The following RANBP17 variants were observed in gnomAD, a reference collection of about 807,000 sequenced individuals.
RANBP17 encodes RAN binding protein 17, also known as ran-binding protein 17.
A neutral mutation model predicts 141.2 loss-of-function variants in RANBP17; 158 were observed. The observed-to-expected ratio is 1.12, with a 90% CI of 0.98 to 1.28. RANBP17 has a LOEUF of 1.28. RANBP17 is among the 50% of genes most tolerant of loss of function. The pLI is 0.00. For synonymous variants in RANBP17, 430 were observed against 450.0 expected, an observed-to-expected ratio of 0.96 and a Z score of 0.56; for missense variants, 1,438 against 1,290.7, an observed-to-expected ratio of 1.11 and a Z score of -1.75.
intron 1 of RANBP17, among the ~76,000 whole-genome samples, chr5:170,872,304 G>A (rs1767811829): frequency 6.6e-6 from 1 of 151,944 alleles, no homozygotes; most frequent in African/African-American, 2.4e-5. Flanking sequence ...TCATGATTTG[G>A]CTGTCTGCTT....
chr5:171,094,399 G>A (rs374901883), intron 14 of RANBP17, among the ~76,000 whole-genome samples: 10 of 151,916 alleles, frequency 6.6e-5, no homozygotes, highest in African/African-American at 2.4e-4. Flanking sequence ...GATTATGTCA[G>A]TAAAATGCCC....
rs201284839 is a variant in RANBP17, at chr5:171,221,766, G to A, written c.2348G>A (p.Arg783His). The A allele has an allele frequency of 4.2e-5, 67 of 1,604,854 alleles. No homozygotes were observed. Among genetic ancestry groups the A allele is most frequent in the African/African-American group, 1.3e-4 (10 of 74,786 alleles). Residue 783 changes from arginine (R) to histidine (H), a missense_variant, in exon 22 of 28, where the codon CGT (arginine) becomes CAT (histidine). Coordinates refer to ENST00000523189, the MANE Select transcript of RANBP17 (RefSeq NM_022897.5). ...MAELMQNRSQRLNFDVSSPNG... is the reference protein window; with the variant it reads ...MAELMQNRSQHLNFDVSSPNG... ...TTTTCTATATTTCTTAGATCCCAGC[G>A]TTTGAATTTTGATGTATCATCTCCT...
chr5:171,194,703 A>G (rs772512844), intron 18 of RANBP17, among the ~76,000 whole-genome samples: 1 of 152,214 alleles, frequency 6.6e-6, no homozygotes, highest in African/African-American at 2.4e-5. Context: ...AAATATTTAC[A>G]GTTTTCTTGG....
intron 25 of RANBP17, among the ~76,000 whole-genome samples, chr5:171,288,218 G>A (rs1031484231): frequency 1.3e-5 from 2 of 152,132 alleles, no homozygotes; most frequent in African/African-American, 4.8e-5. Flanking sequence ...TGGGAGGCAG[G>A]AAGGTCTGCT....
intron 1 of RANBP17, among the ~76,000 whole-genome samples, 188 bp from the exon 2 acceptor site, chr5:170,877,909 T>A (rs747443364): frequency 6.6e-6 from 1 of 152,194 alleles, no homozygotes; most frequent in African/African-American, 2.4e-5. Context: ...TGTAAGTAAA[T>A]AATTTGGGGA....
At chr5:170,991,094 C>G (rs916018736) in intron 14 of RANBP17, among the ~76,000 whole-genome samples, 4 of 151,864 alleles carry the variant, frequency 2.6e-5, no homozygotes, top group African/African-American at 9.7e-5. Flanking sequence ...TAATAACTTT[C>G]TTTTACCTCT....
chr5:171,038,268 G>A (rs1177662570), intron 14 of RANBP17, among the ~76,000 whole-genome samples: 1 of 150,726 alleles, frequency 6.6e-6, no homozygotes, highest in Admixed American at 6.6e-5. Context: ...TTGGTATATA[G>A]AAATGCTAGT....
intron 5 of RANBP17, among the ~76,000 whole-genome samples, chr5:170,899,604 A>G (rs1292751458): frequency 6.6e-6 from 1 of 152,212 alleles, no homozygotes; most frequent in African/African-American, 2.4e-5. Context: ...GCCGGTTTTC[A>G]AAGGGAATGC....
At chr5:171,204,233 TAGAC>T (rs559415304) in intron 19 of RANBP17, among the ~76,000 whole-genome samples, 18 of 152,324 alleles carry the variant, frequency 1.2e-4, no homozygotes, top group East Asian at 3.9e-4. Flanking sequence ...TGTGAACTGT[TAGAC>T]AGTGCAGAAA....
chr5:171,111,209 A>C (rs1273319453), intron 14 of RANBP17, among the ~76,000 whole-genome samples: 1 of 152,174 alleles, frequency 6.6e-6, no homozygotes, highest in East Asian at 1.9e-4. Context: ...TTTATGCCAA[A>C]GTAGCATATT....
intron 14 of RANBP17, among the ~76,000 whole-genome samples, chr5:171,152,857 G>T (rs775417028): frequency 3.9e-5 from 6 of 152,150 alleles, no homozygotes; most frequent in African/African-American, 1.4e-4. Flanking sequence ...ATCTTATGAC[G>T]AAGGTGTCAT....
At chr5:171,045,131 T>G (rs549320656) in intron 14 of RANBP17, among the ~76,000 whole-genome samples, 100 of 152,254 alleles carry the variant, frequency 6.6e-4, no homozygotes, top group Admixed American at 2.3e-3. Flanking sequence ...TTATAATGTA[T>G]AACTTAACAA....
chr5:171,295,184 G>T (rs529853954), intron 26 of RANBP17, among the ~76,000 whole-genome samples: 1 of 152,264 alleles, frequency 6.6e-6, no homozygotes, highest in East Asian at 1.9e-4. Flanking sequence ...CTGAAATTAG[G>T]CTGTTTCCAA....
chr5:171,152,896 A>AG (rs1758594670), intron 14 of RANBP17, among the ~76,000 whole-genome samples: 1 of 152,238 alleles, frequency 6.6e-6, no homozygotes, highest in Non-Finnish European at 1.5e-5. Flanking sequence ...AGAGTAACTC[A>AG]ACTAAGAGTA....
At chr5:171,117,216 G>A (rs1283086137) in intron 14 of RANBP17, among the ~76,000 whole-genome samples, 1 of 152,076 alleles carries the variant, frequency 6.6e-6, no homozygotes, top group Non-Finnish European at 1.5e-5. Flanking sequence ...AAATCATAAG[G>A]TAGTTCTATT....
At chr5:171,218,598 G>A (rs1474582578) in intron 21 of RANBP17, among the ~76,000 whole-genome samples, 3 of 152,082 alleles carry the variant, frequency 2.0e-5, no homozygotes, top group Non-Finnish European at 4.4e-5. Flanking sequence ...CCTGTATTGG[G>A]TGCATGTATA....
chr5:171,010,579 A>G (rs1779964990), intron 14 of RANBP17, among the ~76,000 whole-genome samples: 1 of 152,190 alleles, frequency 6.6e-6, no homozygotes, highest in Non-Finnish European at 1.5e-5. Context: ...AAATCTGCAG[A>G]AAGAGACCAG....
chr5:170,901,714 TG>T (rs1289754754), intron 5 of RANBP17, among the ~76,000 whole-genome samples: 2 of 152,236 alleles, frequency 1.3e-5, no homozygotes, highest in East Asian at 3.8e-4. Flanking sequence ...AAGGCAGGCC[TG>T]GTGGTGACAA....
chr5:171,006,244 G>A (rs1011221239), intron 14 of RANBP17, among the ~76,000 whole-genome samples: 3 of 152,152 alleles, frequency 2.0e-5, no homozygotes, highest in Non-Finnish European at 4.4e-5. Flanking sequence ...TCCCATTACT[G>A]GGTATATACC....
Sources: allele counts gnomAD v4.1 joint callset (sites outside exome capture counted in the v4.1 genomes callset), GRCh38; gene constraint gnomAD v4.1.1; transcripts MANE v1.5; gene names NCBI Gene and HGNC (gene_info 2026-07-23, HGNC 2026-07-21).